SYNPO2: variants seen among roughly 807,000 people sequenced by gnomAD.
SYNPO2 encodes synaptopodin 2, also known as synaptopodin-2.
Under a neutral mutation model 85.0 loss-of-function variants are expected in SYNPO2, and 56 were observed. The ratio of observed to expected loss-of-function variants is 0.66; its 90% CI spans 0.53 to 0.82. The LOEUF (loss-of-function observed/expected upper bound fraction) is 0.82. Among genes scored for constraint, SYNPO2 ranks in the 40% least tolerant of loss-of-function variants. The pLI, the probability that SYNPO2 is intolerant of heterozygous loss-of-function variation, is 0.00. For synonymous variants in SYNPO2, 602 were observed against 591.1 expected, an observed-to-expected ratio of 1.02 and a Z score of -0.27; for missense variants, 1,575 against 1,534.2, an observed-to-expected ratio of 1.03 and a Z score of -0.44.
rs1578658920 is a variant in SYNPO2 at position 119,029,905 on chromosome 4, A to G, written c.1130A>G (p.Lys377Arg). 1 of 1,609,028 alleles carries G rather than the reference A, an allele frequency of 6.2e-7. No individual in the cohort carries two copies. Among genetic ancestry groups the G allele is most frequent in the African/African-American group, 1.3e-5 (1 of 74,912 alleles). Residue 377 changes from lysine (K) to arginine (R), a missense_variant, in exon 4 of 5, where the codon AAA (lysine) becomes AGA (arginine). Coordinates refer to ENST00000307142, the MANE Select transcript of SYNPO2 (RefSeq NM_133477.3). ...KQVKEAKSKC[K>R]SIALLLTDAP... ...GTGAAGGAAGCAAAATCTAAATGCAAAAGCATTGCCCTTCTTCTAACGGAT... is the reference window on the plus strand; with the variant it reads ...GTGAAGGAAGCAAAATCTAAATGCAGAAGCATTGCCCTTCTTCTAACGGAT...
intron 1 of SYNPO2, among the ~76,000 whole-genome samples, chr4:118,868,552 A>T (rs891333530): frequency 6.6e-6 from 1 of 152,214 alleles, no homozygotes; most frequent in South Asian, 2.1e-4. Flanking sequence ...ATTTTAAATC[A>T]TTTAAGAGAA....
At chr4:119,020,252 G>A (rs1737668163) in intron 1 of SYNPO2, among the ~76,000 whole-genome samples, 1 of 152,106 alleles carries the variant, frequency 6.6e-6, no homozygotes, top group Non-Finnish European at 1.5e-5. Flanking sequence ...AATATTTCTT[G>A]TTATTCAGAT....
chr4:118,883,912 T>C (rs533508873), upstream of SYNPO2, among the ~76,000 whole-genome samples: 11 of 152,276 alleles, frequency 7.2e-5, no homozygotes, highest in Admixed American at 3.9e-4. Context: ...TGGAAGAACA[T>C]ATTAAACTTC....
chr4:119,007,289 T>TATATATGTATATAC (rs1737113969), intron 1 of SYNPO2, among the ~76,000 whole-genome samples: 1 of 74,132 alleles, frequency 1.3e-5, no homozygotes, highest in South Asian at 4.5e-4. Context: ...TATACATATA[T>TATATATGTATATAC]ATATATATGT....
chr4:119,050,429 A>G (rs548420500), intron 4 of SYNPO2, among the ~76,000 whole-genome samples: 1 of 152,226 alleles, frequency 6.6e-6, no homozygotes, highest in African/African-American at 2.4e-5. Context: ...CCTGGGTTCA[A>G]TTTTCCACCC....
intron 1 of SYNPO2, among the ~76,000 whole-genome samples, chr4:118,894,917 C>T (rs1732503206): frequency 6.6e-6 from 1 of 151,764 alleles, no homozygotes; most frequent in African/African-American, 2.4e-5. Flanking sequence ...TTCATTTTGC[C>T]TAGAAATATT....
At chr4:118,923,280 A>G (rs1733599189) in intron 1 of SYNPO2, among the ~76,000 whole-genome samples, 1 of 152,138 alleles carries the variant, frequency 6.6e-6, no homozygotes, top group Non-Finnish European at 1.5e-5. Flanking sequence ...ATCCTAAGCA[A>G]ACTCATGCAG....
At chr4:118,964,296 C>T (rs1252598112) in intron 1 of SYNPO2, among the ~76,000 whole-genome samples, 1 of 107,950 alleles carries the variant, frequency 9.3e-6, no homozygotes, top group Non-Finnish European at 1.9e-5. Context: ...AAAACACACA[C>T]AACACACACA....
intron 4 of SYNPO2, among the ~76,000 whole-genome samples, chr4:119,046,330 A>G (rs2149198759): frequency 6.6e-6 from 1 of 152,302 alleles, no homozygotes; most frequent in East Asian, 1.9e-4. Context: ...TTTAAAAAAA[A>G]TCAAGAAGTG....
At chr4:118,953,463 A>C (rs1261025314) in intron 1 of SYNPO2, among the ~76,000 whole-genome samples, 1 of 152,148 alleles carries the variant, frequency 6.6e-6, no homozygotes. Flanking sequence ...ACAGGTGCTC[A>C]TTACACATCC....
intron 1 of SYNPO2, among the ~76,000 whole-genome samples, chr4:118,981,968 A>C (rs1736024928): frequency 6.6e-6 from 1 of 152,182 alleles, no homozygotes; most frequent in South Asian, 2.1e-4. Flanking sequence ...AGACCACTTG[A>C]GGGCGGCATT....
At chr4:118,911,228 C>A (rs1328365396) in intron 1 of SYNPO2, among the ~76,000 whole-genome samples, 1 of 152,140 alleles carries the variant, frequency 6.6e-6, no homozygotes, top group Non-Finnish European at 1.5e-5. Flanking sequence ...AATGTTGAAG[C>A]TAATGCATCT....
chr4:118,920,959 G>A (rs910904172), intron 1 of SYNPO2, among the ~76,000 whole-genome samples: 1 of 151,568 alleles, frequency 6.6e-6, no homozygotes, highest in Non-Finnish European at 1.5e-5. Context: ...GTGCAGTGGT[G>A]CCATCATAGC....
rs76074853 is a variant in SYNPO2, at chr4:118,934,292, G to C, written c.105+45151G>C. Among the ~76,000 whole-genome samples, 4 of 152,262 alleles carry C rather than the reference G, an allele frequency of 2.6e-5. No homozygotes were observed. In the East Asian group the frequency reaches 7.7e-4, roughly 29 times the overall value. On this transcript the variant is annotated intron_variant, in intron 1 of 4. Coordinates refer to ENST00000307142, the MANE Select transcript of SYNPO2 (RefSeq NM_133477.3). Reference sequence around the variant, plus strand: ...CGAAAAGGCTGGATCTACTAGTCTCGTGATGTGATCAGGTCCAGGTCTTTC... The same window carrying C: ...CGAAAAGGCTGGATCTACTAGTCTCCTGATGTGATCAGGTCCAGGTCTTTC...
At chr4:118,975,930 G>C (rs1047797320) in intron 1 of SYNPO2, among the ~76,000 whole-genome samples, 24 of 152,178 alleles carry the variant, frequency 1.6e-4, no homozygotes, top group Admixed American at 1.5e-3. Flanking sequence ...TCAAAGTCAG[G>C]AGAAAAATAA....
At position 119,058,021 on chromosome 4, in the gene SYNPO2, G is replaced by C; in HGVS notation, c.*87G>C. ...GTTTTAAACTTTTCTAATAGATTTA[G>C]ATTCACTTTTGGTCTTGGCTTGTTC... is the stretch of plus-strand genomic sequence containing the variant. On this transcript the variant is annotated 3_prime_UTR_variant, in exon 5 of 5. Transcript: ENST00000307142. The C allele has an allele frequency of 7.0e-7, 1 of 1,428,642 alleles. No homozygotes were observed. The allele number at this position is 1,428,642 out of a possible 1,614,324, so 88.5% of individuals were successfully genotyped here. A position where few individuals can be genotyped will look rare whatever the true frequency, so the allele number is the denominator to read the frequency against.
chr4:118,920,119 A>G (rs935380247), intron 1 of SYNPO2, among the ~76,000 whole-genome samples: 9 of 152,288 alleles, frequency 5.9e-5, no homozygotes, highest in African/African-American at 2.2e-4. Context: ...TGGATCCTGT[A>G]GGATAAGGTG....
chr4:119,034,013 A>G (rs1195353764), intron 4 of SYNPO2: 1 of 985,436 alleles, frequency 1.0e-6, no homozygotes, highest in Non-Finnish European at 1.2e-6. Flanking sequence ...CAACCACAGG[A>G]TGTAGCTTGG....
intron 4 of SYNPO2, among the ~76,000 whole-genome samples, chr4:119,050,548 G>A (rs1739003780): frequency 6.6e-6 from 1 of 152,100 alleles, no homozygotes; most frequent in African/African-American, 2.4e-5. Flanking sequence ...ACGGGGTTGT[G>A]ACGATTACGT....
Sources: gnomAD v4.1 joint callset for allele counts (sites outside exome capture counted in the v4.1 genomes callset) on GRCh38, gnomAD v4.1.1 for gene constraint, MANE v1.5 for transcripts, NCBI Gene and HGNC (gene_info 2026-07-23, HGNC 2026-07-21) for gene names.